Variants in TUSC3 observed in about 807,000 individuals in gnomAD.
TUSC3 encodes the protein tumor suppressor candidate 3, also known as dolichyl-diphosphooligosaccharide--protein glycosyltransferase subunit TUSC3.
TUSC3 carries 45 observed loss-of-function variants against 44.8 expected under a neutral mutation model. The observed-to-expected ratio is 1.00, with a 90% CI of 0.79 to 1.29. TUSC3 has a LOEUF of 1.29. TUSC3 is among the 50% of genes most tolerant of loss of function. TUSC3 has a pLI of 0.00. For missense variants in TUSC3, 519 were observed against 437.9 expected, an observed-to-expected ratio of 1.19 and a Z score of -1.65; for synonymous variants, 212 against 152.9, an observed-to-expected ratio of 1.39 and a Z score of -2.85.
At chr8:15,756,714 T>G (rs1811942596) in intron 9 of TUSC3, among the ~76,000 whole-genome samples, 1 of 152,182 alleles carries the variant, frequency 6.6e-6, no homozygotes, top group Non-Finnish European at 1.5e-5. Context: ...ACAAATACAG[T>G]GAGGCTTATT....
Position 15,603,914 on chromosome 8 carries a change from G to C in TUSC3, c.139-19166G>C, listed in dbSNP as rs953783367. Among the ~76,000 whole-genome samples, 5 of 151,528 alleles carry C rather than the reference G, an allele frequency of 3.3e-5. No individual in the cohort carries two copies. In the Admixed American group the frequency reaches 3.3e-4, roughly 10 times the overall value. Reference sequence around the variant, plus strand: ...AGAATCATAGAACTTACAGATGCCAGTTTAAGAACCCTTTTAGAGTGACTT... The same window carrying C: ...AGAATCATAGAACTTACAGATGCCACTTTAAGAACCCTTTTAGAGTGACTT... On this transcript the variant is annotated intron_variant, in intron 1 of 10. Transcript: ENST00000503731.
chr8:15,738,931 C>G (rs1961085), intron 7 of TUSC3, among the ~76,000 whole-genome samples: 6 of 146,494 alleles, frequency 4.1e-5, no homozygotes, highest in African/African-American at 1.3e-4. Context: ...CTCCCAAGTT[C>G]AAGCAACTCC....
intron 6 of TUSC3, among the ~76,000 whole-genome samples, chr8:15,680,621 C>G (rs765102032): frequency 3.3e-5 from 5 of 152,060 alleles, no homozygotes; most frequent in Admixed American, 2.6e-4. Flanking sequence ...ACTTCCAGTA[C>G]TATGCTGAAT....
intron 8 of TUSC3, among the ~76,000 whole-genome samples, chr8:15,747,390 A>T (rs1185645802): frequency 6.6e-6 from 1 of 151,940 alleles, no homozygotes; most frequent in Non-Finnish European, 1.5e-5. Flanking sequence ...TTCTTAAAAG[A>T]TGTTTAGATA....
chr8:15,533,495 G>T (rs113762821), intron 2 of TUSC3, among the ~76,000 whole-genome samples: 4 of 152,164 alleles, frequency 2.6e-5, no homozygotes, highest in Non-Finnish European at 2.9e-5. Flanking sequence ...AAATTCAACC[G>T]AACTGTTTTA....
At chr8:15,460,543 G>A (rs564144663) in intron 1 of TUSC3, among the ~76,000 whole-genome samples, 1 of 152,028 alleles carries the variant, frequency 6.6e-6, no homozygotes, top group Non-Finnish European at 1.5e-5. Flanking sequence ...TTATGTCCCA[G>A]CTATTTATCT....
intron 5 of TUSC3, among the ~76,000 whole-genome samples, chr8:15,672,705 G>C (rs901824741): frequency 6.6e-6 from 1 of 152,034 alleles, no homozygotes; most frequent in African/African-American, 2.4e-5. Context: ...AAAAAAGTGA[G>C]ACTTCTTAGA....
At chr8:15,507,241 A>G (rs749243833) in intron 2 of TUSC3, among the ~76,000 whole-genome samples, 10 of 152,202 alleles carry the variant, frequency 6.6e-5, no homozygotes, top group Non-Finnish European at 1.2e-4. Flanking sequence ...TGTATTTTAC[A>G]TTTAAAAACA....
chr8:15,779,118 TC>T, the TUSC3 span, among the ~76,000 whole-genome samples: 3,096 of 50,802 alleles, frequency 0.061, 124 homozygotes, highest in African/African-American at 0.29. Flanking sequence ...TTTTTTTTTT[TC>T]CACGTTACTT....
intron 1 of TUSC3, among the ~76,000 whole-genome samples, chr8:15,548,663 C>G (rs1429086): frequency 0.88 from 132,888 of 151,718 alleles, 58,700 homozygotes; most frequent in African/African-American, 0.9. Flanking sequence ...TATTGTTTAG[C>G]ACATTTCAAA....
intron 2 of TUSC3, among the ~76,000 whole-genome samples, chr8:15,629,695 G>A (rs80118769): frequency 0.029 from 4,272 of 149,320 alleles, 187 homozygotes; most frequent in African/African-American, 0.098. Flanking sequence ...TTTAAAAATC[G>A]TAGTACTTTC....
intron 1 of TUSC3, among the ~76,000 whole-genome samples, chr8:15,621,341 T>G (rs1221480012): frequency 3.3e-5 from 5 of 151,318 alleles, no homozygotes; most frequent in Non-Finnish European, 7.4e-5. Flanking sequence ...ACATGGAAAA[T>G]AACCTCACTT....
chr8:15,482,572 C>G (rs1800676750), intron 1 of TUSC3, among the ~76,000 whole-genome samples: 1 of 152,130 alleles, frequency 6.6e-6, no homozygotes, highest in South Asian at 2.1e-4. Context: ...TATAAAAGCT[C>G]TGATGAAGAT....
intron 1 of TUSC3, among the ~76,000 whole-genome samples, chr8:15,461,958 A>G (rs17121468): frequency 6.6e-6 from 1 of 152,068 alleles, no homozygotes; most frequent in Non-Finnish European, 1.5e-5. Flanking sequence ...AAGATGAAAA[A>G]TAAGTGCTTC....
intron 1 of TUSC3, among the ~76,000 whole-genome samples, chr8:15,445,945 CG>C (rs1477195090): frequency 7.1e-6 from 1 of 140,416 alleles, no homozygotes; most frequent in Admixed American, 7.1e-5. Context: ...GCTGGCCGGA[CG>C]GGGGCTGCCC....
chr8:15,694,435 C>CAAAA (rs146718595), intron 6 of TUSC3, among the ~76,000 whole-genome samples: 34 of 83,194 alleles, frequency 4.1e-4, no homozygotes, highest in African/African-American at 1.3e-3. Context: ...AAACTCCATC[C>CAAAA]AAAAAAAAAA....
rs148484102 is a variant in TUSC3, at chr8:15,540,459, G to A, written c.29G>A (p.Arg10His). ...GGGGCCCGGGGCGCTCCTTCACGCC[G>A]TAGGCAAGCGGGGCGGCGGCTGCGG... MGARGAPSR[R>H]RQAGRRLRYL... The change falls in exon 1 of 11, where the codon CGT becomes CAT. Residue 10 changes from arginine to histidine, a missense_variant. Physicochemically the swap from Arg to His is conservative, Grantham distance 29 (BLOSUM62 0). Coordinates refer to ENST00000503731, the MANE Select transcript of TUSC3 (RefSeq NM_006765.4). The A allele has an allele frequency of 1.9e-6, 3 of 1,604,810 alleles. No homozygotes were observed. Among genetic ancestry groups the A allele is most frequent in the Admixed American group, 1.7e-5 (1 of 59,222 alleles).
At chr8:15,564,401 G>C (rs1382969892) in intron 1 of TUSC3, among the ~76,000 whole-genome samples, 1 of 151,870 alleles carries the variant, frequency 6.6e-6, no homozygotes, top group Non-Finnish European at 1.5e-5. Context: ...TTATAAAAAA[G>C]AAAATTGTGG....
chr8:15,573,202 CTATATATATA>C lies in TUSC3; in HGVS notation c.138+32653_138+32662del, dbSNP rs373565575. The stretch of plus-strand genomic sequence containing the variant: ...TCTCTCTCTCTCTCTCTCTCTCTCT[CTATATATATA>C]TATATATATATATATATAAAAGTTT... On this transcript the variant is annotated intron_variant, in intron 1 of 10. Transcript: ENST00000503731. Among the ~76,000 whole-genome samples, 509 of 74,198 alleles carry C rather than the reference CTATATATATA, an allele frequency of 6.9e-3. 2 individuals carry two copies. Among genetic ancestry groups the C allele is most frequent in the African/African-American group, 0.011 (207 of 18,714 alleles). 48.7% of individuals were successfully genotyped at this position (74,198 alleles called of 152,430 possible). A position where few individuals can be genotyped will look rare whatever the true frequency, so the allele number is the denominator to read the frequency against.
Sources: allele counts gnomAD v4.1 joint callset (sites outside exome capture counted in the v4.1 genomes callset), GRCh38; gene constraint gnomAD v4.1.1; transcripts MANE v1.5; gene names NCBI Gene and HGNC (gene_info 2026-07-23, HGNC 2026-07-21).